The following MTHFD1L variants were observed in gnomAD, a reference collection of about 807,000 sequenced individuals.
MTHFD1L encodes the protein monofunctional C1-tetrahydrofolate synthase, mitochondrial.
In MTHFD1L, 81 loss-of-function variants were observed where a neutral mutation model predicts 119.5. The ratio of observed to expected loss-of-function variants is 0.68; its 90% confidence interval spans 0.57 to 0.82. The LOEUF is 0.82. Ranked by LOEUF, MTHFD1L falls within the 40% of genes least tolerant of loss-of-function variation. The pLI is 0.00. For synonymous variants in MTHFD1L, 430 were observed against 475.2 expected (o/e 0.90, Z 1.24); for missense variants, 1,125 against 1,253.4 (o/e 0.90, Z 1.55).
At chr6:150,968,682 G>T (rs1405404171) in intron 19 of MTHFD1L, among the ~76,000 whole-genome samples, 1 of 150,024 alleles carries the variant, frequency 6.7e-6, no homozygotes, top group Non-Finnish European at 1.5e-5. Context: ...GCTAATTTTT[G>T]TATTTTTTTT....
At chr6:150,902,871 A>C (rs1017841539) in intron 7 of MTHFD1L, among the ~76,000 whole-genome samples, 1 of 152,204 alleles carries the variant, frequency 6.6e-6, no homozygotes, top group Non-Finnish European at 1.5e-5. Context: ...AGCCTTGTTC[A>C]TATTAACCTC....
Position 150,866,029 on chromosome 6 carries a change from G to C in MTHFD1L, c.207G>C (p.Ala69=). The change falls in exon 1 of 28, where the codon GCG becomes GCC. Residue 69 remains alanine (A), a synonymous_variant. Coordinates refer to ENST00000367321, the MANE Select transcript of MTHFD1L (RefSeq NM_015440.5). ...SSCSPGGRTP[A]ARDSIVREVI... is the part of the protein sequence containing the mutation. ...GCAGCCCCGGCGGCCGAACGCCCGC[G>C]GCGCGGGACTCCATCGTCAGGTGAG... 2 of 1,414,786 alleles carry C rather than the reference G, an allele frequency of 1.4e-6. No individual in the cohort carries two copies. Among genetic ancestry groups the C allele is most frequent in the Non-Finnish European group, 1.8e-6 (2 of 1,089,420 alleles). The allele number at this position is 1,414,786 out of a possible 1,614,324, so 87.6% of individuals were successfully genotyped here.
chr6:151,064,646 T>C (rs1791022124), intron 26 of MTHFD1L, among the ~76,000 whole-genome samples: 1 of 152,176 alleles, frequency 6.6e-6, no homozygotes, highest in Admixed American at 6.5e-5. Flanking sequence ...TTAGAAATAA[T>C]TGTCCCACAA....
chr6:150,936,415 C>G (rs1053283946), intron 11 of MTHFD1L, among the ~76,000 whole-genome samples: 36 of 152,156 alleles, frequency 2.4e-4, no homozygotes, highest in African/African-American at 8.2e-4. Context: ...GTCCCCAAAC[C>G]ATAGGCCCTG....
intron 27 of MTHFD1L, chr6:151,099,995 T>A: frequency 2.6e-6 from 2 of 771,158 alleles, no homozygotes; most frequent in South Asian, 1.5e-5. Context: ...GCATCTTCCT[T>A]TAAAAAAAAA....
chr6:151,029,918 C>T (rs1048812700), intron 24 of MTHFD1L, among the ~76,000 whole-genome samples: 4 of 152,162 alleles, frequency 2.6e-5, no homozygotes, highest in African/African-American at 4.8e-5. Flanking sequence ...AAATCACACT[C>T]TTTATTTTTG....
chr6:150,945,424 C>G (rs1793761074), intron 14 of MTHFD1L, 43 bp from the exon 15 acceptor site: 1 of 1,522,032 alleles, frequency 6.6e-7, no homozygotes, highest in Non-Finnish European at 9.1e-7. Context: ...AGTTCATGGA[C>G]AACTAACTTT....
In MTHFD1L at chr6:151,045,593, C is replaced by T. The variant is rs370081181; in HGVS notation, c.2847+8476C>T. Among the ~76,000 whole-genome samples the T allele has an allele frequency of 1.6e-4, 25 of 152,330 alleles. 1 individual carries two copies. Among genetic ancestry groups the T allele is most frequent in the African/African-American group, 5.8e-4 (24 of 41,572 alleles). ...AAGCCAGGTTTGGCTCATGCTCTGC[C>T]GGTGAGCTTGCCCTCCCCATGAGCC... On this transcript the variant is annotated intron_variant, in intron 26 of 27. Transcript: ENST00000367321.
intron 24 of MTHFD1L, among the ~76,000 whole-genome samples, chr6:151,024,635 C>G (rs1784386864): frequency 6.6e-6 from 1 of 152,132 alleles, no homozygotes; most frequent in Non-Finnish European, 1.5e-5. Context: ...TGGAGACCAG[C>G]CTGGCCAACA....
At chr6:151,029,737 A>T (rs1420719319) in intron 24 of MTHFD1L, among the ~76,000 whole-genome samples, 1 of 152,150 alleles carries the variant, frequency 6.6e-6, no homozygotes, top group Non-Finnish European at 1.5e-5. Context: ...CAGAGGTTGC[A>T]GTCAGCCAAG....
intron 18 of MTHFD1L, among the ~76,000 whole-genome samples, chr6:150,961,369 C>A (rs1304896059): frequency 1.3e-5 from 2 of 152,210 alleles, no homozygotes; most frequent in African/African-American, 4.8e-5. Flanking sequence ...GCTGGGATTA[C>A]AGGCATGAGC....
At chr6:151,013,895 C>G in intron 22 of MTHFD1L, 75 bp downstream of exon 22, 3 of 1,299,874 alleles carry the variant, frequency 2.3e-6, no homozygotes, top group African/African-American at 1.5e-5. Context: ...AGTGAATGAG[C>G]CCTCCTTCAG....
At chr6:151,024,970 T>A (rs553447258) in intron 24 of MTHFD1L, among the ~76,000 whole-genome samples, 2 of 152,342 alleles carry the variant, frequency 1.3e-5, no homozygotes, top group South Asian at 4.1e-4. Context: ...TTGGGTGAGA[T>A]GAGATCTTTA....
At chr6:151,095,339 A>C (rs910097659) in intron 27 of MTHFD1L, among the ~76,000 whole-genome samples, 1 of 152,154 alleles carries the variant, frequency 6.6e-6, no homozygotes, top group African/African-American at 2.4e-5. Flanking sequence ...TTGGCCTAGC[A>C]ATTCTCTTTT....
chr6:150,991,231 G>A (rs141967630), intron 20 of MTHFD1L, among the ~76,000 whole-genome samples: 52 of 151,492 alleles, frequency 3.4e-4, no homozygotes, highest in African/African-American at 1.3e-3. Context: ...TTTTTAGTGT[G>A]CAAATTAAAC....
chr6:150,866,584 C>G, intron 1 of MTHFD1L: 2 of 1,227,002 alleles, frequency 1.6e-6, no homozygotes, highest in Non-Finnish European at 2.0e-6. Flanking sequence ...CGCGGCCCCT[C>G]CTGCTGGGCT....
intron 26 of MTHFD1L, among the ~76,000 whole-genome samples, chr6:151,074,904 T>A (rs1279388854): frequency 6.6e-6 from 1 of 152,220 alleles, no homozygotes; most frequent in Non-Finnish European, 1.5e-5. Flanking sequence ...TTTCTCAGAA[T>A]GTACCCGTCT....
intron 13 of MTHFD1L, among the ~76,000 whole-genome samples, chr6:150,943,561 T>C (rs1213210026): frequency 6.6e-6 from 1 of 152,340 alleles, no homozygotes; most frequent in East Asian, 1.9e-4. Flanking sequence ...TTAATTTTTT[T>C]AATAAAAGGA....
chr6:150,964,836 C>A, intron 18 of MTHFD1L, 133 bp from the exon 19 acceptor site: 1 of 687,102 alleles, frequency 1.5e-6, no homozygotes, highest in East Asian at 2.8e-5. Context: ...GAGACAGCAG[C>A]ACTGTCCCCT....
Sources: allele counts gnomAD v4.1 joint callset (sites outside exome capture counted in the v4.1 genomes callset), GRCh38; gene constraint gnomAD v4.1.1; transcripts MANE v1.5; gene names NCBI Gene and HGNC (gene_info 2026-07-23, HGNC 2026-07-21).